Variants in MYSM1 observed in about 807,000 individuals in gnomAD.
MYSM1 encodes deubiquitinase MYSM1.
MYSM1 carries 51 observed loss-of-function variants against 116.0 expected under a neutral mutation model. The observed-to-expected ratio is 0.44, with a 90% CI of 0.35 to 0.56. MYSM1 has a LOEUF of 0.56. Ranked by LOEUF, MYSM1 falls within the 20% of genes least tolerant of loss-of-function variation. MYSM1 has a pLI of 0.00. For synonymous variants in MYSM1, 313 were observed against 315.2 expected (o/e 0.99, Z 0.07); for missense variants, 900 against 974.9 (o/e 0.92, Z 1.02).
In MYSM1 at chr1:58,672,553, A is replaced by G. The variant is rs188233501; in HGVS notation, c.1573-595T>C. On this transcript the variant is annotated intron_variant, in intron 11 of 19. Coordinates refer to ENST00000472487, the MANE Select transcript of MYSM1 (RefSeq NM_001085487.3). ...TTGTCTGACACACAGTAAGCCCTTTATAAGTGTTTATAAAATAAAGTAAAT... is the reference window on the plus strand; with the variant it reads ...TTGTCTGACACACAGTAAGCCCTTTGTAAGTGTTTATAAAATAAAGTAAAT... Among the ~76,000 whole-genome samples the G allele has an allele frequency of 3.6e-3, 547 of 152,266 alleles. 6 individuals carry two copies. The highest frequency in any genetic ancestry group is 0.013 in the African/African-American group (528 of 41,550).
In MYSM1 at chr1:58,679,175, A is replaced by AT. The variant is rs201915877; in HGVS notation, c.1260-2120dup. Among the ~76,000 whole-genome samples, 469 of 150,996 alleles carry AT rather than the reference A, an allele frequency of 3.1e-3. 3 individuals carry two copies. Among genetic ancestry groups the AT allele is most frequent in the African/African-American group, 0.01 (423 of 41,214 alleles). ...TTTATTTCAAAACTTTAACTCTTCT[A>AT]TTTTTTTTTAACACCACCTCCAGTG... is the stretch of plus-strand genomic sequence containing the variant. On this transcript the variant is annotated intron_variant, in intron 8 of 19. Coordinates refer to ENST00000472487, the MANE Select transcript of MYSM1 (RefSeq NM_001085487.3).
intron 2 of MYSM1, among the ~76,000 whole-genome samples, chr1:58,694,720 G>A (rs981399050): frequency 1.3e-5 from 2 of 151,602 alleles, no homozygotes; most frequent in East Asian, 1.9e-4. Context: ...CCAGGTTGGA[G>A]AGCAGTGGCA....
intron 1 of MYSM1, chr1:58,699,753 T>A (rs1645035405): frequency 1.0e-6 from 1 of 985,384 alleles, no homozygotes; most frequent in Non-Finnish European, 1.2e-6. Context: ...CCTCACAGCA[T>A]CCGGCAAAAG....
intron 12 of MYSM1, among the ~76,000 whole-genome samples, chr1:58,670,837 G>T (rs1318465232): frequency 1.3e-5 from 2 of 152,120 alleles, no homozygotes; most frequent in Non-Finnish European, 2.9e-5. Context: ...TGCTACAAAG[G>T]CTAAAATGAG....
rs764254549 is a variant in MYSM1 at position 58,695,145 on chromosome 1, G to A, written c.131C>T (p.Thr44Ile). ...KDHYLDSSWRTENGLIPWTLD... is the reference protein window; with the variant it reads ...KDHYLDSSWRIENGLIPWTLD... Reference sequence around the variant, plus strand: ...AATACTTACAATAAGGCCATTCTCTGTTCTCCAAGATGAATCAAGATAGTG... The same window carrying A: ...AATACTTACAATAAGGCCATTCTCTATTCTCCAAGATGAATCAAGATAGTG... Residue 44 changes from threonine (T) to isoleucine (I), a missense_variant, in exon 2 of 20, where the codon ACA becomes ATA. Thr to Ile is a moderately conservative substitution (Grantham distance 89). Around this residue, in one of 3 missense-constraint regions of MYSM1, gnomAD observed 622 missense variants for 623.7 expected, o/e 1.00. Transcript: ENST00000472487. The A allele has an allele frequency of 6.2e-7, 1 of 1,601,320 alleles. No individual in the cohort carries two copies. The highest frequency in any genetic ancestry group is 8.6e-7 in the Non-Finnish European group (1 of 1,169,348).
chr1:58,693,952 T>TGCCA (rs1644937416), intron 2 of MYSM1, among the ~76,000 whole-genome samples: 1 of 152,208 alleles, frequency 6.6e-6, no homozygotes, highest in African/African-American at 2.4e-5. Flanking sequence ...TGCCACATGC[T>TGCCA]GCCACTCCTT....
At chr1:58,679,141 AG>A (rs1644700690) in intron 8 of MYSM1, among the ~76,000 whole-genome samples, 1 of 152,172 alleles carries the variant, frequency 6.6e-6, no homozygotes, top group African/African-American at 2.4e-5. Flanking sequence ...CAAATCTGGC[AG>A]GCTTCTTTTT....
chr1:58,685,722 C>T lies in MYSM1; in HGVS notation c.400-471G>A, dbSNP rs1479060351. Among the ~76,000 whole-genome samples the T allele has an allele frequency of 2.0e-5, 3 of 152,136 alleles. No homozygotes were observed. In the East Asian group the frequency reaches 5.8e-4, roughly 29 times the overall value. On this transcript the variant is annotated intron_variant, in intron 6 of 19. Coordinates refer to ENST00000472487, the MANE Select transcript of MYSM1 (RefSeq NM_001085487.3). ...GTATCTCACAGCAGAGACTTTTACT[C>T]TATCAGATATCACAGTGAACTGACC... is the stretch of plus-strand genomic sequence containing the variant.
At chr1:58,679,007 A>C (rs78031306) in intron 8 of MYSM1, among the ~76,000 whole-genome samples, 2,507 of 152,318 alleles carry the variant, frequency 0.016, 76 homozygotes, top group African/African-American at 0.057. Flanking sequence ...GAGATGATTT[A>C]AGTACAGTAC....
At chr1:58,668,031 TA>T in intron 14 of MYSM1, 110 bp from the exon 15 acceptor site, 1 of 809,418 alleles carries the variant, frequency 1.2e-6, no homozygotes. Context: ...ATCATGCTTT[TA>T]TAAAATAAAG....
At chr1:58,690,862 G>A (rs892058231) in intron 3 of MYSM1, among the ~76,000 whole-genome samples, 10 of 152,182 alleles carry the variant, frequency 6.6e-5, no homozygotes, top group South Asian at 4.2e-4. Context: ...AAGGCAATTC[G>A]GGAATAATTT....
chr1:58,665,290 T>C (rs1644451091), intron 17 of MYSM1, among the ~76,000 whole-genome samples: 1 of 152,216 alleles, frequency 6.6e-6, no homozygotes, highest in Admixed American at 6.5e-5. Flanking sequence ...CCAGTGGCCA[T>C]GGTAACAAAA....
intron 16 of MYSM1, among the ~76,000 whole-genome samples, chr1:58,665,874 T>TG (rs1174181503): frequency 6.6e-6 from 1 of 152,142 alleles, no homozygotes; most frequent in East Asian, 1.9e-4. Context: ...CTGGCCAACA[T>TG]GGTGAAACCC....
At chr1:58,661,303 G>T in intron 18 of MYSM1, 76 bp from the exon 19 acceptor site, 2 of 1,348,582 alleles carry the variant, frequency 1.5e-6, no homozygotes, top group Non-Finnish European at 2.1e-6. Flanking sequence ...AACTATCACG[G>T]ATGCCATACA....
chr1:58,684,391 C>T (rs1316696341), intron 7 of MYSM1, among the ~76,000 whole-genome samples: 1 of 151,796 alleles, frequency 6.6e-6, no homozygotes, highest in African/African-American at 2.4e-5. Context: ...CGGTGAAACC[C>T]CGTCTCTACT....
intron 14 of MYSM1, 36 bp from the exon 15 acceptor site, chr1:58,667,957 A>C: frequency 7.0e-7 from 1 of 1,432,762 alleles, no homozygotes; most frequent in Non-Finnish European, 9.9e-7. Context: ...GCCCAAACGC[A>C]CAAACCCACC....
In MYSM1 at chr1:58,657,107, A is replaced by C. The variant is rs1431078481; in HGVS notation, c.*2890T>G. On this transcript the variant is annotated 3_prime_UTR_variant, in exon 20 of 20. Coordinates refer to ENST00000472487, the MANE Select transcript of MYSM1 (RefSeq NM_001085487.3). Reference sequence around the variant, plus strand: ...ATTAGAGAAGAATGGTCAAGGCTAAAATAATGGAGATGGAGAGTCTGAGCT... The same window carrying C: ...ATTAGAGAAGAATGGTCAAGGCTAACATAATGGAGATGGAGAGTCTGAGCT... The C allele has an allele frequency of 1.3e-5, 2 of 152,118 alleles. No individual in the cohort carries two copies. The highest frequency in any genetic ancestry group is 2.9e-5 in the Non-Finnish European group (2 of 68,008). The allele number at this position is 152,118 out of a possible 1,614,324, so 9.4% of individuals were successfully genotyped here.
rs746741382 is a variant in MYSM1, at chr1:58,656,016, T to C, written c.*3981A>G. 3 of 152,194 alleles carry C rather than the reference T, an allele frequency of 2.0e-5. No homozygotes were observed. The highest frequency in any genetic ancestry group is 2.9e-5 in the Non-Finnish European group (2 of 68,026). The allele number at this position is 152,194 out of a possible 1,614,324, so 9.4% of individuals were successfully genotyped here. Reference sequence around the variant, plus strand: ...GGTGCTCATGTGTTACATGGCTGTTTTGTGAGCACAAAACAGAGCAACATC... The same window carrying C: ...GGTGCTCATGTGTTACATGGCTGTTCTGTGAGCACAAAACAGAGCAACATC... On this transcript the variant is annotated 3_prime_UTR_variant, in exon 20 of 20. Coordinates refer to ENST00000472487, the MANE Select transcript of MYSM1 (RefSeq NM_001085487.3).
chr1:58,693,833 T>C (rs1644935209), intron 2 of MYSM1, among the ~76,000 whole-genome samples: 2 of 152,312 alleles, frequency 1.3e-5, no homozygotes, highest in South Asian at 4.1e-4. Context: ...TAAATCTATA[T>C]GAAATGTTTC....
Sources: allele counts gnomAD v4.1 joint callset (sites outside exome capture counted in the v4.1 genomes callset), GRCh38; gene constraint gnomAD v4.1.1; regional missense constraint gnomAD v4.1.1; transcripts MANE v1.5; gene names NCBI Gene and HGNC (gene_info 2026-07-23, HGNC 2026-07-21).